The following LY75 variants were observed in gnomAD, a reference collection of about 807,000 sequenced individuals.
The protein encoded by LY75 is C-type lectin domain family 13 member B.
LY75 carries 185 observed loss-of-function variants against 231.7 expected under a neutral mutation model. The observed-to-expected ratio is 0.80, with a 90% CI of 0.71 to 0.90. The LOEUF (loss-of-function observed/expected upper bound fraction) is 0.90. Among genes scored for constraint, LY75 ranks in the 40% least tolerant of loss-of-function variants. LY75 has a pLI of 0.00. For missense variants in LY75, 1,947 were observed against 2,050.2 expected (o/e 0.95, Z 0.97); for synonymous variants, 668 against 689.0 (o/e 0.97, Z 0.48).
intron 33 of LY75, chr2:159,808,048 T>C (rs1682840032): frequency 1.0e-6 from 1 of 963,752 alleles, no homozygotes; most frequent in Non-Finnish European, 1.2e-6. Flanking sequence ...AACAAGAAGA[T>C]AACTTTCTGA....
chr2:159,857,243 T>C (rs1033269842), intron 16 of LY75, among the ~76,000 whole-genome samples: 13 of 152,214 alleles, frequency 8.5e-5, no homozygotes, highest in African/African-American at 3.1e-4. Flanking sequence ...TACTACCTGA[T>C]GTCACATCTG....
intron 1 of LY75, 88 bp from the exon 2 acceptor site, chr2:159,899,147 C>T (rs1685996025): frequency 1.3e-6 from 2 of 1,530,836 alleles, no homozygotes; most frequent in East Asian, 4.5e-5. Flanking sequence ...CACTACTGGA[C>T]TGTTCCCATC....
chr2:159,872,353 T>C (rs1685040181), intron 13 of LY75, 98 bp downstream of exon 13: 1 of 1,440,708 alleles, frequency 6.9e-7, no homozygotes, highest in South Asian at 1.4e-5. Context: ...AACATGTCCA[T>C]TTTTTTTCCA....
chr2:159,856,977 C>T (rs948535944), intron 16 of LY75, among the ~76,000 whole-genome samples: 10 of 152,136 alleles, frequency 6.6e-5, no homozygotes, highest in Non-Finnish European at 1.5e-4. Context: ...CTGTGGAATG[C>T]TAACAAATGC....
intron 3 of LY75, 34 bp downstream of exon 3, chr2:159,893,880 C>T (rs1685831671): frequency 6.3e-7 from 1 of 1,576,116 alleles, no homozygotes; most frequent in African/African-American, 1.4e-5. Context: ...AAATGTACTA[C>T]CTTTCCACAT....
intron 24 of LY75, 88 bp downstream of exon 24, chr2:159,842,157 C>T (rs1029114838): frequency 5.2e-5 from 76 of 1,462,094 alleles, no homozygotes; most frequent in Non-Finnish European, 6.2e-5. Context: ...TGTTCCCCTC[C>T]CTCCCTATAG....
At chr2:159,830,369 C>T (rs369714167) in intron 28 of LY75, among the ~76,000 whole-genome samples, 21 of 152,134 alleles carry the variant, frequency 1.4e-4, no homozygotes, top group African/African-American at 4.6e-4. Context: ...GCTCTATGGC[C>T]GTGGAAAGGT....
chr2:159,848,194 A>G (rs1404373729), intron 23 of LY75, among the ~76,000 whole-genome samples: 1 of 151,204 alleles, frequency 6.6e-6, no homozygotes, highest in East Asian at 1.9e-4. Flanking sequence ...ATGTATGTAT[A>G]TATATATGAT....
chr2:159,819,219 T>TTA, intron 29 of LY75, among the ~76,000 whole-genome samples: 1 of 152,272 alleles, frequency 6.6e-6, no homozygotes, highest in Non-Finnish European at 1.5e-5. Context: ...TTAACAGTTT[T>TTA]TAAGCTGTGA....
chr2:159,842,401 G>T, intron 23 of LY75, 27 bp from the exon 24 acceptor site: 1 of 1,595,628 alleles, frequency 6.3e-7, no homozygotes, highest in South Asian at 1.1e-5. Context: ...ATACATACAT[G>T]CAATCATGTA....
chr2:159,904,220 AC>A (rs1560109711), intron 1 of LY75, among the ~76,000 whole-genome samples: 2 of 152,290 alleles, frequency 1.3e-5, no homozygotes, highest in South Asian at 4.1e-4. Context: ...GAGGGACGGG[AC>A]GCAAGAGGGC....
At chr2:159,815,610 T>G (rs1261274681) in intron 30 of LY75, 37 bp from the exon 31 acceptor site, 20 of 1,583,864 alleles carry the variant, frequency 1.3e-5, no homozygotes, top group Non-Finnish European at 1.7e-5. Flanking sequence ...TGAATCCAGA[T>G]GTTTGACTTC....
intron 34 of LY75, among the ~76,000 whole-genome samples, chr2:159,806,376 T>C (rs1682793008): frequency 6.6e-6 from 1 of 152,216 alleles, no homozygotes; most frequent in African/African-American, 2.4e-5. Context: ...TTAATATTTA[T>C]ATACAAGAAG....
At chr2:159,896,962 A>C (rs942383774) in intron 2 of LY75, among the ~76,000 whole-genome samples, 1 of 152,122 alleles carries the variant, frequency 6.6e-6, no homozygotes, top group African/African-American at 2.4e-5. Context: ...GAAACACTTC[A>C]TGCCTTTGGG....
In LY75 at chr2:159,882,150, A is replaced by C. The variant is rs1192128572; in HGVS notation, c.1220T>G (p.Val407Gly). Reference sequence around the variant, plus strand: ...CTCATTATGGAGTTTTGTGACAACCACCTCCACATCTGCTAGAGAATGAAT... The same window carrying C: ...CTCATTATGGAGTTTTGTGACAACCCCCTCCACATCTGCTAGAGAATGAAT... ...ISIHSLADVE[V>G]VVTKLHNEDI... The change falls in exon 7 of 35, where the codon GTG (valine) becomes GGG (glycine). Residue 407 changes from valine (V) to glycine (G), a missense_variant. Coordinates refer to ENST00000263636, the MANE Select transcript of LY75 (RefSeq NM_002349.4). The C allele has an allele frequency of 1.2e-6, 2 of 1,613,104 alleles. No individual in the cohort carries two copies. The highest frequency in any genetic ancestry group is 1.7e-6 in the Non-Finnish European group (2 of 1,179,646).
At position 159,831,759 on chromosome 2, in the gene LY75, C is replaced by T. The variant is rs781726712; in HGVS notation, c.3869G>A (p.Arg1290Gln). 12 of 1,608,816 alleles carry T rather than the reference C, an allele frequency of 7.5e-6. No homozygotes were observed. Among genetic ancestry groups the T allele is most frequent in the East Asian group, 2.3e-5 (1 of 44,440 alleles). ...AACAAAGTTATTCTCCTTTTCATCT[C>T]GAATACTCAGAATATGTGATTTTGG... Reference protein sequence around the residue: ...LNPKSHILSIRDEKENNFVLE... With the variant: ...LNPKSHILSIQDEKENNFVLE... The change falls in exon 28 of 35, where the codon CGA becomes CAA. Residue 1290 changes from arginine (R) to glutamine (Q), a missense_variant. Transcript: ENST00000263636.
intron 16 of LY75, among the ~76,000 whole-genome samples, chr2:159,857,431 C>T (rs2729718): frequency 6.6e-6 from 1 of 152,136 alleles, no homozygotes; most frequent in Non-Finnish European, 1.5e-5. Flanking sequence ...TAATTTCATA[C>T]AGCCAATCTC....
At position 159,875,438 on chromosome 2, in the gene LY75, CTT is replaced by C; in HGVS notation, c.1974+4_1974+5del. 1 of 1,611,848 alleles carries C rather than the reference CTT, an allele frequency of 6.2e-7. No individual in the cohort carries two copies. Among genetic ancestry groups the C allele is most frequent in the Non-Finnish European group, 8.5e-7 (1 of 1,179,152 alleles). On this transcript the variant is annotated splice_donor_5th_base_variant and intron_variant, in intron 12 of 34. Coordinates refer to ENST00000263636, the MANE Select transcript of LY75 (RefSeq NM_002349.4). Reference sequence around the variant, plus strand: ...ATTGAAGGATAGAATGAGAATGTCACTTTACCTTATAACAAGAAAGACTTGCG... The same window carrying C: ...ATTGAAGGATAGAATGAGAATGTCACTACCTTATAACAAGAAAGACTTGCG...
chr2:159,877,712 T>C (rs1371626579), intron 11 of LY75, among the ~76,000 whole-genome samples: 1 of 151,378 alleles, frequency 6.6e-6, no homozygotes, highest in African/African-American at 2.4e-5. Flanking sequence ...TCTACAGAAA[T>C]ACAAAAAGTA....
Sources: allele counts gnomAD v4.1 joint callset (sites outside exome capture counted in the v4.1 genomes callset), GRCh38; gene constraint gnomAD v4.1.1; transcripts MANE v1.5; gene names NCBI Gene and HGNC (gene_info 2026-07-23, HGNC 2026-07-21).